FNDC3B: variants seen among roughly 807,000 people sequenced by gnomAD.
FNDC3B encodes fibronectin type III domain-containing protein 3B.
In FNDC3B, 12 loss-of-function variants were observed where a neutral mutation model predicts 151.5. The observed-to-expected ratio is 0.08, with a 90% CI of 0.05 to 0.13. The LOEUF is 0.13. Ranked by LOEUF, FNDC3B falls within the 10% of genes least tolerant of loss-of-function variation. FNDC3B has a pLI of 1.00. For missense variants in FNDC3B, 1,214 were observed against 1,505.3 expected, an observed-to-expected ratio of 0.81 and a Z score of 3.20; for synonymous variants, 528 against 549.0, an observed-to-expected ratio of 0.96 and a Z score of 0.54.
At chr3:172,219,801 T>C (rs1726175931) in intron 3 of FNDC3B, among the ~76,000 whole-genome samples, 1 of 152,240 alleles carries the variant, frequency 6.6e-6, no homozygotes, top group Non-Finnish European at 1.5e-5. Context: ...TTCATTCCTT[T>C]TTATGGTGGA....
At chr3:172,336,807 G>A (rs1009838071) in intron 15 of FNDC3B, among the ~76,000 whole-genome samples, 7 of 151,752 alleles carry the variant, frequency 4.6e-5, no homozygotes, top group Non-Finnish European at 8.8e-5. Flanking sequence ...GGAGGCTGAG[G>A]AAGGAGACTC....
intron 25 of FNDC3B, among the ~76,000 whole-genome samples, chr3:172,383,420 T>G (rs1431968690): frequency 1.3e-5 from 2 of 152,210 alleles, no homozygotes; most frequent in Non-Finnish European, 2.9e-5. Flanking sequence ...AGAAGTAGTC[T>G]TAACCTAACT....
chr3:172,154,005 T>G (rs1451038770), intron 3 of FNDC3B, among the ~76,000 whole-genome samples: 2 of 152,236 alleles, frequency 1.3e-5, no homozygotes, highest in Admixed American at 1.3e-4. Context: ...GCAAATCCTG[T>G]GGCCTAGTTT....
chr3:172,251,827 T>C (rs1728096143), intron 6 of FNDC3B, among the ~76,000 whole-genome samples: 1 of 152,154 alleles, frequency 6.6e-6, no homozygotes. Flanking sequence ...AGCCTACTTC[T>C]GTTGTTTCAC....
intron 3 of FNDC3B, among the ~76,000 whole-genome samples, chr3:172,206,335 G>C (rs1271068702): frequency 1.3e-5 from 2 of 152,130 alleles, no homozygotes; most frequent in Non-Finnish European, 2.9e-5. Context: ...TTGTTTGTAA[G>C]TTATTTCTTG....
chr3:172,174,610 A>G (rs1723454939), intron 3 of FNDC3B, among the ~76,000 whole-genome samples: 1 of 152,200 alleles, frequency 6.6e-6, no homozygotes, highest in African/African-American at 2.4e-5. Context: ...GAGCATCTGG[A>G]TTAATGTAGT....
intron 1 of FNDC3B, among the ~76,000 whole-genome samples, chr3:172,042,637 T>C (rs1499813): frequency 0.34 from 51,904 of 152,044 alleles, 9,674 homozygotes; most frequent in Non-Finnish European, 0.41. Flanking sequence ...ATGCACACTT[T>C]ACAAACAAGG....
Position 172,399,818 on chromosome 3 carries a change from A to T in FNDC3B, c.*2343A>T, listed in dbSNP as rs1416567658. 1 of 106,060 alleles carries T rather than the reference A, an allele frequency of 9.4e-6. No individual in the cohort carries two copies. The highest frequency in any genetic ancestry group is 1.9e-5 in the Non-Finnish European group (1 of 52,752). 6.6% of individuals were successfully genotyped at this position (106,060 alleles called of 1,614,324 possible). ...CACTTCAGAACTGCTGCTATAAAGA[A>T]ATTCTCTAATTGGTTGAATTTTTTT... is the stretch of plus-strand genomic sequence containing the variant. On this transcript the variant is annotated 3_prime_UTR_variant, in exon 26 of 26. Transcript: ENST00000415807.
chr3:172,121,457 A>G (rs936177908), intron 2 of FNDC3B, among the ~76,000 whole-genome samples: 3 of 152,182 alleles, frequency 2.0e-5, no homozygotes, highest in African/African-American at 4.8e-5. Flanking sequence ...GAGGCCCCCA[A>G]TAAGTGCCGC....
chr3:172,341,736 CT>C (rs777845663), intron 17 of FNDC3B, among the ~76,000 whole-genome samples: 4 of 152,158 alleles, frequency 2.6e-5, no homozygotes, highest in Non-Finnish European at 5.9e-5. Context: ...GTGGCACCTC[CT>C]GAAGTTGTGT....
rs955295710 is a variant in FNDC3B at position 172,373,180 on chromosome 3, A to G, written c.3009-5090A>G. 7.9e-5 allele frequency among the ~76,000 whole-genome samples: 12 copies of G among 152,232 alleles called. No individual in the cohort carries two copies. The South Asian group carries it at 8.3e-4, about 10-fold the overall frequency. ...TTAGAAACCAAGGTATTGAGGGCTT[A>G]GTGAGAGTTTTTCACCATTTCCTGC... On this transcript the variant is annotated intron_variant, in intron 23 of 25. Coordinates refer to ENST00000415807, the MANE Select transcript of FNDC3B (RefSeq NM_022763.4).
chr3:172,143,823 C>T (rs931508692), intron 3 of FNDC3B, among the ~76,000 whole-genome samples: 4 of 151,898 alleles, frequency 2.6e-5, no homozygotes, highest in South Asian at 2.1e-4. Flanking sequence ...GGAGGAGAAT[C>T]GCTTGAACCT....
chr3:172,190,713 G>A (rs535223417), intron 3 of FNDC3B, among the ~76,000 whole-genome samples: 1 of 152,270 alleles, frequency 6.6e-6, no homozygotes, highest in Admixed American at 6.5e-5. Flanking sequence ...TTATTGCCCA[G>A]GCTGGAGTGC....
intron 25 of FNDC3B, among the ~76,000 whole-genome samples, chr3:172,388,094 A>T (rs1159710154): frequency 6.6e-6 from 1 of 152,170 alleles, no homozygotes; most frequent in Non-Finnish European, 1.5e-5. Flanking sequence ...TAGATCATTC[A>T]ATCATGAGAA....
chr3:172,109,516 C>G (rs777613216), intron 1 of FNDC3B, among the ~76,000 whole-genome samples: 1 of 152,216 alleles, frequency 6.6e-6, no homozygotes, highest in Non-Finnish European at 1.5e-5. Context: ...ATCAGCAATA[C>G]TGGTTATGGC....
intron 25 of FNDC3B, among the ~76,000 whole-genome samples, chr3:172,385,748 CG>C (rs1735681092): frequency 6.6e-6 from 1 of 151,944 alleles, no homozygotes; most frequent in African/African-American, 2.4e-5. Context: ...TTAATAGAGA[CG>C]GGGTTTCACT....
intron 5 of FNDC3B, among the ~76,000 whole-genome samples, 195 bp from the exon 6 acceptor site, chr3:172,251,065 A>G (rs1728039480): frequency 6.6e-6 from 1 of 152,064 alleles, no homozygotes; most frequent in Non-Finnish European, 1.5e-5. Context: ...CAGTCCGCCC[A>G]CCTCGGCCTC....
At chr3:172,080,008 G>A (rs1207074245) in intron 1 of FNDC3B, among the ~76,000 whole-genome samples, 5 of 152,016 alleles carry the variant, frequency 3.3e-5, no homozygotes, top group Admixed American at 2.6e-4. Flanking sequence ...ATGGGGCTAC[G>A]GAAAAACTCA....
At chr3:172,280,277 G>C (rs983564918) in intron 6 of FNDC3B, among the ~76,000 whole-genome samples, 2 of 152,144 alleles carry the variant, frequency 1.3e-5, no homozygotes, top group African/African-American at 4.8e-5. Context: ...GCATTAGTAG[G>C]CATTGACTAG....
Sources: gnomAD v4.1 joint callset for allele counts (sites outside exome capture counted in the v4.1 genomes callset) on GRCh38, gnomAD v4.1.1 for gene constraint, MANE v1.5 for transcripts, NCBI Gene and HGNC (gene_info 2026-07-23, HGNC 2026-07-21) for gene names.